CNOT10: variants seen among roughly 807,000 people sequenced by gnomAD.
CNOT10 encodes CCR4-NOT transcription complex subunit 10, also known as CCR4-NOT transcription complex, subunit 10.
CNOT10 carries 30 observed loss-of-function variants against 94.6 expected under a neutral mutation model. The ratio of observed to expected loss-of-function variants is 0.32; its 90% CI spans 0.24 to 0.43. The LOEUF is 0.43. Ranked by LOEUF, CNOT10 falls within the 20% of genes least tolerant of loss-of-function variation. The pLI, the probability that CNOT10 is intolerant of heterozygous loss-of-function variation, is 1.00. For synonymous variants in CNOT10, 289 were observed against 301.6 expected (o/e 0.96, Z 0.43); for missense variants, 759 against 877.2 (o/e 0.87, Z 1.70).
intron 13 of CNOT10, among the ~76,000 whole-genome samples, chr3:32,742,988 T>G (rs1205499839): frequency 1.1e-4 from 17 of 150,804 alleles, no homozygotes; most frequent in Non-Finnish European, 2.2e-4. Context: ...ACTAATCTTT[T>G]TTTTTTTTTT....
At chr3:32,712,164 T>TTG (rs34655347) in intron 4 of CNOT10, among the ~76,000 whole-genome samples, 1 of 43,560 alleles carries the variant, frequency 2.3e-5, no homozygotes, top group African/African-American at 1.2e-4. Flanking sequence ...TGTTTGTTTG[T>TTG]TTTTTTTTTT....
intron 1 of CNOT10, among the ~76,000 whole-genome samples, chr3:32,698,486 A>T (rs1697181816): frequency 6.6e-6 from 1 of 152,156 alleles, no homozygotes; most frequent in South Asian, 2.1e-4. Flanking sequence ...CATGAAATTG[A>T]ATTTTACTGT....
rs368385308 is a variant in CNOT10, at chr3:32,764,826, A to C, written c.2004+17A>C. On this transcript the variant is annotated intron_variant, in intron 17 of 18. Coordinates refer to ENST00000328834, the MANE Select transcript of CNOT10 (RefSeq NM_015442.3). Reference sequence around the variant, plus strand: ...CTCCACCAGGTGAGTCCAGAGTGGGAGGAACTGAACCTTGTAAAGCAGCCA... The same window carrying C: ...CTCCACCAGGTGAGTCCAGAGTGGGCGGAACTGAACCTTGTAAAGCAGCCA... 1.2e-6 allele frequency: 2 copies of C among 1,612,558 alleles called. No homozygotes were observed. Among genetic ancestry groups the C allele is most frequent in the Non-Finnish European group, 1.7e-6 (2 of 1,179,610 alleles).
chr3:32,745,117 G>C (rs916713170), intron 13 of CNOT10, among the ~76,000 whole-genome samples: 1 of 152,022 alleles, frequency 6.6e-6, no homozygotes, highest in Non-Finnish European at 1.5e-5. Context: ...GGCCTCAAGC[G>C]ATCCGCCCAT....
At position 32,766,890 on chromosome 3, in the gene CNOT10, C is replaced by T. The variant is rs560120815; in HGVS notation, c.2004+2081C>T. Among the ~76,000 whole-genome samples, 39 of 152,246 alleles carry T rather than the reference C, an allele frequency of 2.6e-4. 1 individual carries two copies. The South Asian group carries it at 7.5e-3, about 29-fold the overall frequency. ...GGGGACTGGGTACCACCATTGGCAG[C>T]CCCAGAGGAATCTCACAAAATTAGA... is the stretch of plus-strand genomic sequence containing the variant. On this transcript the variant is annotated intron_variant, in intron 17 of 18. Transcript: ENST00000328834.
In CNOT10 at chr3:32,701,831, T is replaced by C. The variant is rs1278916723; in HGVS notation, c.23-2037T>C. Among the ~76,000 whole-genome samples, 4 of 152,202 alleles carry C rather than the reference T, an allele frequency of 2.6e-5. No individual in the cohort carries two copies. In the East Asian group the frequency reaches 7.7e-4, roughly 29 times the overall value. On this transcript the variant is annotated intron_variant, in intron 1 of 18. Coordinates refer to ENST00000328834, the MANE Select transcript of CNOT10 (RefSeq NM_015442.3). ...GTTTTTTGACAGAGTCTCACTCTGT[T>C]GCTCAGGCTAGAGTGCAGTGGTGCA...
At chr3:32,705,445 T>C (rs1166947571) in intron 3 of CNOT10, among the ~76,000 whole-genome samples, 3 of 152,130 alleles carry the variant, frequency 2.0e-5, no homozygotes, top group Non-Finnish European at 2.9e-5. Context: ...GCTAGACTTT[T>C]GGTGTTCAAG....
intron 14 of CNOT10, among the ~76,000 whole-genome samples, chr3:32,760,563 C>T (rs1049295250): frequency 2.0e-5 from 3 of 152,070 alleles, no homozygotes; most frequent in Non-Finnish European, 4.4e-5. Flanking sequence ...GCCTGGGGGG[C>T]GGACGTTGCG....
chr3:32,738,878 A>G (rs1035622352), intron 13 of CNOT10, among the ~76,000 whole-genome samples: 1 of 150,692 alleles, frequency 6.6e-6, no homozygotes, highest in Admixed American at 6.6e-5. Context: ...TAATGTCTGT[A>G]GAATCTGCAG....
intron 8 of CNOT10, among the ~76,000 whole-genome samples, chr3:32,721,255 A>G (rs1698391495): frequency 1.3e-5 from 2 of 150,534 alleles, no homozygotes; most frequent in South Asian, 2.1e-4. Context: ...GGTAGAGACA[A>G]GGTTTCCATG....
At chr3:32,718,322 C>T (rs1434274278) in intron 7 of CNOT10, among the ~76,000 whole-genome samples, 3 of 147,728 alleles carry the variant, frequency 2.0e-5, no homozygotes, top group Non-Finnish European at 3.0e-5. Flanking sequence ...CGGTGGCTCA[C>T]GCCTGTAATC....
intron 10 of CNOT10, chr3:32,730,523 C>T (rs1190154144): frequency 6.6e-6 from 1 of 151,930 alleles, no homozygotes; most frequent in African/African-American, 2.4e-5. Context: ...TGCTTTTCCT[C>T]CTCCTAAAAA....
chr3:32,773,551 G>C lies in CNOT10; in HGVS notation c.2175G>C (p.Gln725His). The C allele has an allele frequency of 6.2e-7, 1 of 1,614,202 alleles. No homozygotes were observed. Residue 725 changes from glutamine to histidine, a missense_variant, in exon 19 of 19, where the codon CAG becomes CAC. Around this residue, in one of 3 missense-constraint regions of CNOT10, gnomAD observed 73 missense variants for 61.0 expected, o/e 1.20. Transcript: ENST00000328834. ...AAGTGAGAAAGAAGCCAGTGTTTCA[G>C]CCTGTCCACCCGATCCAGCCCATCC... is the stretch of plus-strand genomic sequence containing the variant. ...HSEVRKKPVF[Q>H]PVHPIQPIQM...
At chr3:32,737,560 C>T in intron 13 of CNOT10, 70 bp downstream of exon 13, 2 of 996,188 alleles carry the variant, frequency 2.0e-6, no homozygotes, top group Non-Finnish European at 3.1e-6. Context: ...CACAGTGGCT[C>T]ATACCTCTAA....
chr3:32,753,656 C>T (rs1700063873), intron 13 of CNOT10: 6 of 1,575,096 alleles, frequency 3.8e-6, no homozygotes, highest in South Asian at 3.4e-5. Context: ...TCTCCTTATA[C>T]AAGAAATTGG....
intron 2 of CNOT10, among the ~76,000 whole-genome samples, chr3:32,704,399 A>C: frequency 6.6e-6 from 1 of 152,208 alleles, no homozygotes; most frequent in East Asian, 1.9e-4. Flanking sequence ...TATGAAAGAA[A>C]ACCTTATTTG....
intron 1 of CNOT10, among the ~76,000 whole-genome samples, chr3:32,699,385 A>G (rs375259343): frequency 1.3e-3 from 205 of 152,328 alleles, no homozygotes; most frequent in African/African-American, 4.8e-3. Flanking sequence ...TTAGTTATCA[A>G]ATCTCTTGAA....
At chr3:32,757,545 C>G (rs528028012) in intron 13 of CNOT10, among the ~76,000 whole-genome samples, 1 of 152,274 alleles carries the variant, frequency 6.6e-6, no homozygotes, top group Admixed American at 6.5e-5. Context: ...ATAAGTAGTA[C>G]ATATCTGATA....
At chr3:32,734,735 A>T (rs903506333) in intron 11 of CNOT10, 65 bp from the exon 12 acceptor site, 68 of 1,286,260 alleles carry the variant, frequency 5.3e-5, no homozygotes, top group Non-Finnish European at 6.6e-5. Context: ...TTTATTCCTC[A>T]TAATAAAAGA....
Sources: allele counts gnomAD v4.1 joint callset (sites outside exome capture counted in the v4.1 genomes callset), GRCh38; gene constraint gnomAD v4.1.1; regional missense constraint gnomAD v4.1.1; transcripts MANE v1.5; gene names NCBI Gene and HGNC (gene_info 2026-07-23, HGNC 2026-07-21).